Variants in MOK observed in about 807,000 individuals in gnomAD.
MOK encodes the protein MOK protein kinase, also known as MAPK/MAK/MRK overlapping kinase.
A neutral mutation model predicts 54.2 loss-of-function variants in MOK; 59 were observed. That is an observed-to-expected ratio of 1.09 (90% CI 0.88 to 1.35). The LOEUF (loss-of-function observed/expected upper bound fraction) is 1.35. Among genes scored for constraint, MOK ranks in the 40% most tolerant of loss-of-function variants. The probability of loss-of-function intolerance (pLI) is 0.00; values close to 1 mark genes in which losing one functional copy is unlikely to be tolerated. For missense variants in MOK, 517 were observed against 526.2 expected, an observed-to-expected ratio of 0.98 and a Z score of 0.17; for synonymous variants, 210 against 202.7, an observed-to-expected ratio of 1.04 and a Z score of -0.31.
At chr14:102,227,331 C>A (rs368817465), downstream of MOK, among the ~76,000 whole-genome samples, 10 of 151,754 alleles carry the variant, frequency 6.6e-5, no homozygotes, top group East Asian at 2.0e-3. Context: ...TGCGCGCCGC[C>A]CCCCCTACAG....
intron 2 of MOK, among the ~76,000 whole-genome samples, chr14:102,270,777 T>C (rs1353431395): frequency 6.6e-6 from 1 of 152,160 alleles, no homozygotes; most frequent in Admixed American, 6.6e-5. Context: ...TTCTTATTAG[T>C]TGTTATCAAA....
rs1188819160 is a variant in MOK, at chr14:102,263,559, A to T, written c.270T>A (p.Tyr90Ter). ...LICELMDMNI[Y>*]ELIRGRRYPL... ...TATTCTACGTACCTCGTATTAGCTC[A>T]TAAATATTCATGTCCATAAGTTCAC... The change falls in exon 4 of 12, where the codon TAT becomes TAA. Residue 90 changes from tyrosine (Y) to a stop codon, truncating the protein, a stop_gained. Coordinates refer to ENST00000361847, the MANE Select transcript of MOK (RefSeq NM_014226.3). LOFTEE classifies it high-confidence loss of function. 2.5e-6 allele frequency: 4 copies of T among 1,605,234 alleles called. No individual in the cohort carries two copies. Among genetic ancestry groups the T allele is most frequent in the Admixed American group, 1.7e-5 (1 of 58,526 alleles).
chr14:102,300,413 G>A (rs894116449), intron 1 of MOK, among the ~76,000 whole-genome samples: 2 of 151,858 alleles, frequency 1.3e-5, no homozygotes, highest in African/African-American at 2.4e-5. Flanking sequence ...GCTGGGCGAG[G>A]AGGCACATGC....
Position 102,229,539 on chromosome 14 carries a change from G to A in MOK, c.1100C>T (p.Thr367Met), listed in dbSNP as rs777238096. Residue 367 changes from threonine (T) to methionine (M), a missense_variant, in exon 11 of 12, where the codon ACG (threonine) becomes ATG (methionine). Physicochemically the swap from Thr to Met is moderately conservative, Grantham distance 81. Coordinates refer to ENST00000361847, the MANE Select transcript of MOK (RefSeq NM_014226.3). Reference sequence around the variant, plus strand: ...TCCAGATCCAAGCACGGACTGCAGCGTGGGGCTGGAGTAAGACGACAGTCT... The same window carrying A: ...TCCAGATCCAAGCACGGACTGCAGCATGGGGCTGGAGTAAGACGACAGTCT... Reference protein sequence around the residue: ...VVRLSSYSSPTLQSVLGSGTN... With the variant: ...VVRLSSYSSPMLQSVLGSGTN... 4 of 1,613,744 alleles carry A rather than the reference G, an allele frequency of 2.5e-6. No individual in the cohort carries two copies. The highest frequency in any genetic ancestry group is 1.7e-5 in the Admixed American group (1 of 60,010).
At chr14:102,229,429 G>A in intron 11 of MOK, 28 bp downstream of exon 11, 2 of 1,614,056 alleles carry the variant, frequency 1.2e-6, no homozygotes, top group Non-Finnish European at 8.5e-7. Context: ...GAAGAGCAGC[G>A]CCGTCAGAGA....
intron 7 of MOK, among the ~76,000 whole-genome samples, chr14:102,250,194 C>T (rs528825938): frequency 1.3e-5 from 2 of 152,230 alleles, no homozygotes; most frequent in South Asian, 4.2e-4. Context: ...CAGATGCACC[C>T]CCAGACCTTA....
intron 2 of MOK, among the ~76,000 whole-genome samples, chr14:102,275,844 T>C (rs755079331): frequency 1.6e-4 from 24 of 152,108 alleles, no homozygotes; most frequent in Non-Finnish European, 2.5e-4. Flanking sequence ...AATAAAAGAC[T>C]TCTATACAGA....
chr14:102,223,128 T>G (rs927403910), downstream of MOK: 9 of 388,614 alleles, frequency 2.3e-5, no homozygotes, highest in Non-Finnish European at 4.1e-5. Flanking sequence ...TGGAGTTTTC[T>G]TGCTTTTTAC....
chr14:102,289,023 C>T (rs1267896672), intron 1 of MOK, among the ~76,000 whole-genome samples: 2 of 152,182 alleles, frequency 1.3e-5, no homozygotes, highest in Admixed American at 1.3e-4. Context: ...CCACCTCAGC[C>T]TTCTGAGTAG....
downstream of MOK, chr14:102,226,404 G>C (rs1288238019): frequency 1.4e-6 from 1 of 703,058 alleles, no homozygotes; most frequent in African/African-American, 1.7e-5. The surrounding 1 kb of genome is among the most constrained non-coding windows in gnomAD (Gnocchi z 4.8). Flanking sequence ...CTTCCGTTCT[G>C]GGTTCTGTGG....
downstream of MOK, chr14:102,228,757 C>G (rs1003130663): frequency 6.6e-6 from 1 of 152,444 alleles, no homozygotes; most frequent in Non-Finnish European, 1.5e-5. Context: ...AATCAATTCC[C>G]CTCGTGTGCC....
At chr14:102,219,607 T>C (rs1676352867), downstream of MOK, among the ~76,000 whole-genome samples, 1 of 152,202 alleles carries the variant, frequency 6.6e-6, no homozygotes, top group South Asian at 2.1e-4. Context: ...TCCCCTTTGC[T>C]CTGACGGGCG....
chr14:102,263,624 A>G lies in MOK; in HGVS notation c.213-8T>C, dbSNP rs1287437748. On this transcript the variant is annotated splice_region_variant and splice_polypyrimidine_tract_variant and intron_variant, in intron 3 of 11. Coordinates refer to ENST00000361847, the MANE Select transcript of MOK (RefSeq NM_014226.3). ...GAACCAGATTTTCTGTCACTGAAGAAGAAAGCAAGTTTTTAAAATAAATTT... is the reference window on the plus strand; with the variant it reads ...GAACCAGATTTTCTGTCACTGAAGAGGAAAGCAAGTTTTTAAAATAAATTT... 6.3e-7 allele frequency: 1 copy of G among 1,589,754 alleles called. No homozygotes were observed. The highest frequency in any genetic ancestry group is 1.2e-5 in the South Asian group (1 of 86,598).
chr14:102,265,931 T>G lies in MOK; in HGVS notation c.123-19A>C, dbSNP rs764826775. ...CTCAATACTATCGTGTAGGTAAAAA[T>G]GGATAGCTCATTCACAGTTTAGGTC... On this transcript the variant is annotated intron_variant, in intron 2 of 11. Coordinates refer to ENST00000361847, the MANE Select transcript of MOK (RefSeq NM_014226.3). The G allele has an allele frequency of 6.3e-7, 1 of 1,576,900 alleles. No individual in the cohort carries two copies. Among genetic ancestry groups the G allele is most frequent in the Admixed American group, 1.7e-5 (1 of 59,124 alleles).
intron 1 of MOK, among the ~76,000 whole-genome samples, chr14:102,291,942 A>G (rs1307455359): frequency 1.3e-5 from 2 of 150,342 alleles, no homozygotes; most frequent in Non-Finnish European, 2.9e-5. Flanking sequence ...TGGGCAACAG[A>G]GCAAAACTCT....
In MOK at chr14:102,245,956, T is replaced by A. The variant is rs757218893; in HGVS notation, c.590+4856A>T. ...CATCCCAGAAGAAACTTCACATCAG[T>A]AAATCCATCCATCTCAAACAGGTTT... On this transcript the variant is annotated intron_variant, in intron 7 of 11. Coordinates refer to ENST00000361847, the MANE Select transcript of MOK (RefSeq NM_014226.3). The surrounding 1 kb of genome is among the most constrained non-coding windows in gnomAD (Gnocchi z 4.3). 6 of 152,934 alleles carry A rather than the reference T, an allele frequency of 3.9e-5. No individual in the cohort carries two copies. Among genetic ancestry groups the A allele is most frequent in the Non-Finnish European group, 5.9e-5 (4 of 68,060 alleles). 9.5% of individuals were successfully genotyped at this position (152,934 alleles called of 1,614,324 possible).
chr14:102,232,490 T>C lies in MOK; in HGVS notation c.866+45A>G. On this transcript the variant is annotated intron_variant, in intron 9 of 11. Coordinates refer to ENST00000361847, the MANE Select transcript of MOK (RefSeq NM_014226.3). The surrounding 1 kb of genome is among the most constrained non-coding windows in gnomAD (Gnocchi z 5.1). ...CCACCATGTGCCCATGGGTCTCATTTGCCAGGTCCTGCATCTGCCCCACCG... is the reference window on the plus strand; with the variant it reads ...CCACCATGTGCCCATGGGTCTCATTCGCCAGGTCCTGCATCTGCCCCACCG... 6.3e-7 allele frequency: 1 copy of C among 1,578,722 alleles called. No individual in the cohort carries two copies. The highest frequency in any genetic ancestry group is 1.3e-5 in the African/African-American group (1 of 74,216).
intron 7 of MOK, among the ~76,000 whole-genome samples, chr14:102,244,419 C>T (rs918124775): frequency 6.6e-6 from 1 of 152,200 alleles, no homozygotes; most frequent in Non-Finnish European, 1.5e-5. Context: ...TAACCTCTTC[C>T]ACGTAGATTA....
chr14:102,223,833 C>T (rs560106297), downstream of MOK, among the ~76,000 whole-genome samples: 21 of 152,096 alleles, frequency 1.4e-4, no homozygotes, highest in South Asian at 3.1e-3. Flanking sequence ...CTCAGGAGGG[C>T]GTGGGCTCTG....
Sources: allele counts gnomAD v4.1 joint callset (sites outside exome capture counted in the v4.1 genomes callset), GRCh38; gene constraint gnomAD v4.1.1; non-coding constraint Gnocchi (gnomAD v3.1); transcripts MANE v1.5; gene names NCBI Gene and HGNC (gene_info 2026-07-23, HGNC 2026-07-21).